The following CAPN5 variants were observed in gnomAD, a reference collection of about 807,000 sequenced individuals.
CAPN5 encodes calpain 5, also known as calpain-5.
CAPN5 carries 54 observed loss-of-function variants against 73.0 expected under a neutral mutation model. The observed-to-expected ratio is 0.74, with a 90% CI of 0.59 to 0.93. CAPN5 has a LOEUF of 0.93. CAPN5 is among the 40% of genes least tolerant of loss of function. The pLI, the probability that CAPN5 is intolerant of heterozygous loss-of-function variation, is 0.00. For synonymous variants in CAPN5, 335 were observed against 356.9 expected (o/e 0.94, Z 0.69); for missense variants, 785 against 882.9 (o/e 0.89, Z 1.41).
chr11:77,122,441 G>C, intron 11 of CAPN5, 135 bp from the exon 12 acceptor site: 1 of 734,924 alleles, frequency 1.4e-6, no homozygotes, highest in South Asian at 1.8e-5. Flanking sequence ...GAAACGAAGG[G>C]GCCCTGAGGT....
At chr11:77,088,738 T>C (rs1591120555) in intron 2 of CAPN5, among the ~76,000 whole-genome samples, 2 of 152,258 alleles carry the variant, frequency 1.3e-5, no homozygotes, top group South Asian at 2.1e-4. Context: ...TCTGCAGATA[T>C]AGCCCAGGTG....
chr11:77,122,793 G>A, intron 12 of CAPN5, 81 bp downstream of exon 12: 1 of 1,577,126 alleles, frequency 6.3e-7, no homozygotes, highest in African/African-American at 1.3e-5. Flanking sequence ...CCAGGTGGAA[G>A]ACCCTCTGAC....
intron 2 of CAPN5, among the ~76,000 whole-genome samples, chr11:77,090,606 G>A (rs1555036353): frequency 6.6e-6 from 1 of 152,248 alleles, no homozygotes; most frequent in Admixed American, 6.5e-5. Context: ...GGGCAGTTGT[G>A]TGTCTGTCTT....
At chr11:77,102,047 A>T (rs1208523531) in intron 3 of CAPN5, among the ~76,000 whole-genome samples, 1 of 152,144 alleles carries the variant, frequency 6.6e-6, no homozygotes, top group East Asian at 1.9e-4. Flanking sequence ...GCAGCATGTC[A>T]CCTGGGAGGT....
At chr11:77,113,682 A>G (rs78405161) in intron 4 of CAPN5, among the ~76,000 whole-genome samples, 13 of 151,970 alleles carry the variant, frequency 8.6e-5, no homozygotes, top group African/African-American at 3.1e-4. Flanking sequence ...TTTCAATCCT[A>G]AGAAAGGAAA....
intron 8 of CAPN5, 127 bp downstream of exon 8, chr11:77,118,479 C>T: frequency 1.3e-6 from 1 of 770,444 alleles, no homozygotes; most frequent in Non-Finnish European, 2.1e-6. Flanking sequence ...GCAAACCTGT[C>T]TGTACAGTGG....
chr11:77,088,693 A>G (rs1662388648), intron 2 of CAPN5, among the ~76,000 whole-genome samples: 1 of 152,048 alleles, frequency 6.6e-6, no homozygotes, highest in South Asian at 2.1e-4. Context: ...TGGATGGACA[A>G]AGAGTGGGGG....
At chr11:77,093,537 C>T in intron 2 of CAPN5, 145 bp from the exon 3 acceptor site, 7 of 1,328,580 alleles carry the variant, frequency 5.3e-6, no homozygotes, top group Non-Finnish European at 7.1e-6. Context: ...GGCCCCAAGT[C>T]TGTGGTGGGA....
At chr11:77,081,424 C>T (rs10160738) in intron 1 of CAPN5, among the ~76,000 whole-genome samples, 2,543 of 152,286 alleles carry the variant, frequency 0.017, 57 homozygotes, top group African/African-American at 0.058. Flanking sequence ...AGACCAACTC[C>T]GACAGGAACC....
rs191400447 is a variant in CAPN5 at position 77,099,753 on chromosome 11, G to A, written c.297+5940G>A. Among the ~76,000 whole-genome samples the A allele has an allele frequency of 1.1e-3, 167 of 150,498 alleles. 2 individuals carry two copies. Among genetic ancestry groups the A allele is most frequent in the South Asian group, 8.8e-3 (42 of 4,794 alleles). On this transcript the variant is annotated intron_variant, in intron 3 of 12. Coordinates refer to ENST00000648180, the MANE Select transcript of CAPN5 (RefSeq NM_004055.5). ...GGAGAGGGAGAGGGAGAGGGAGACG[G>A]AGAGGGAGACGGAGAGGGAGAGGGA... is the stretch of plus-strand genomic sequence containing the variant.
rs782515099 is a variant in CAPN5, at chr11:77,123,732, G to A, written c.1785G>A (p.Val595=). The change falls in exon 13 of 13, where the codon GTG becomes GTA. Residue 595 remains valine (V), a synonymous_variant. Coordinates refer to ENST00000648180, the MANE Select transcript of CAPN5 (RefSeq NM_004055.5). ...TGAAGGATGAATTTCTGGGCCAGGT[G>A]CACCTAAAGGCTGACCCGGACAACC... ...RVLKDEFLGQ[V]HLKADPDNLQ... 37 of 1,613,570 alleles carry A rather than the reference G, an allele frequency of 2.3e-5. No homozygotes were observed. The East Asian group carries it at 4.0e-4, about 17-fold the overall frequency.
chr11:77,082,989 C>A (rs1028037390), intron 1 of CAPN5, among the ~76,000 whole-genome samples: 1 of 152,212 alleles, frequency 6.6e-6, no homozygotes, highest in Admixed American at 6.5e-5. Flanking sequence ...TGCTGCTCCT[C>A]GGTGACTCTG....
chr11:77,092,391 C>T (rs1301267321), intron 2 of CAPN5, among the ~76,000 whole-genome samples: 1 of 152,262 alleles, frequency 6.6e-6, no homozygotes, highest in South Asian at 2.1e-4. Context: ...TTTCACAGCA[C>T]TGCCTCAGGG....
intron 3 of CAPN5, among the ~76,000 whole-genome samples, chr11:77,096,911 C>T (rs1281383685): frequency 1.3e-5 from 2 of 152,124 alleles, no homozygotes; most frequent in African/African-American, 4.8e-5. Flanking sequence ...CTGGGAGGGG[C>T]CAGTGGAGGC....
At chr11:77,108,775 T>C (rs10793236) in intron 3 of CAPN5, among the ~76,000 whole-genome samples, 91,153 of 151,790 alleles carry the variant, frequency 0.6, 28,414 homozygotes, top group African/African-American at 0.78. Context: ...TAAAATAATC[T>C]CTTAATATCA....
intron 2 of CAPN5, among the ~76,000 whole-genome samples, chr11:77,086,007 T>A (rs1950082516): frequency 6.6e-6 from 1 of 151,886 alleles, no homozygotes; most frequent in African/African-American, 2.4e-5. Flanking sequence ...GGTGATGAGG[T>A]TTTTGCCCAA....
chr11:77,118,304 C>A lies in CAPN5; in HGVS notation c.1119C>A (p.Arg373=), dbSNP rs776483406. The change falls in exon 8 of 13, where the codon CGC becomes CGA. Residue 373 remains arginine (R), a synonymous_variant. Transcript: ENST00000648180. ...TGCATGAGGACCCGCGACAGAACCG[C>A]GGTGGCGGCTGCATCAACCACAAGG... ...WTLHEDPRQN[R]GGGCINHKDT... is the part of the protein sequence containing the mutation. 6.2e-7 allele frequency: 1 copy of A among 1,611,296 alleles called. No individual in the cohort carries two copies. The highest frequency in any genetic ancestry group is 1.1e-5 in the South Asian group (1 of 90,580).
At chr11:77,121,609 A>G (rs1281473914) in intron 10 of CAPN5, among the ~76,000 whole-genome samples, 1 of 152,230 alleles carries the variant, frequency 6.6e-6, no homozygotes, top group Non-Finnish European at 1.5e-5. Context: ...CAGCTGTGAC[A>G]TGGGCACCAT....
chr11:77,084,943 C>CT lies in CAPN5; in HGVS notation c.58dup (p.Cys20LeufsTer17), dbSNP rs1565259661. ...AGAACTACTCAGCCCTGAGGCGGGACTGCCGGCGCAGGAAGGTGCTCTTCG... is the reference window on the plus strand; with the variant it reads ...AGAACTACTCAGCCCTGAGGCGGGACTTGCCGGCGCAGGAAGGTGCTCTTCG... On this transcript the variant is annotated frameshift_variant, in exon 2 of 13. Transcript: ENST00000648180. LOFTEE classifies it high-confidence loss of function. The CT allele has an allele frequency of 1.2e-6, 2 of 1,613,890 alleles. No homozygotes were observed. The highest frequency in any genetic ancestry group is 1.7e-6 in the Non-Finnish European group (2 of 1,179,978).
Sources: gnomAD v4.1 joint callset for allele counts (sites outside exome capture counted in the v4.1 genomes callset) on GRCh38, gnomAD v4.1.1 for gene constraint, MANE v1.5 for transcripts, NCBI Gene and HGNC (gene_info 2026-07-23, HGNC 2026-07-21) for gene names.